The following LRIG1 variants were observed in gnomAD, a reference collection of about 807,000 sequenced individuals.
LRIG1 encodes the protein leucine-rich repeats and immunoglobulin-like domains protein 1.
A neutral mutation model predicts 99.2 loss-of-function variants in LRIG1; 48 were observed. The observed-to-expected ratio is 0.48, with a 90% CI of 0.38 to 0.62. The LOEUF is 0.62. Among genes scored for constraint, LRIG1 ranks in the 20% least tolerant of loss-of-function variants. The probability of loss-of-function intolerance (pLI) is 0.00; values close to 1 mark genes in which losing one functional copy is unlikely to be tolerated. For synonymous variants in LRIG1, 772 were observed against 596.1 expected, an observed-to-expected ratio of 1.29 and a Z score of -4.30; for missense variants, 1,646 against 1,434.4, an observed-to-expected ratio of 1.15 and a Z score of -2.38.
chr3:66,405,351 C>T, intron 8 of LRIG1, 73 bp from the exon 9 acceptor site: 1 of 1,252,126 alleles, frequency 8.0e-7, no homozygotes, highest in Non-Finnish European at 1.2e-6. Context: ...ACCCAGCCTG[C>T]TGCTCGGAAG....
intron 11 of LRIG1, 93 bp downstream of exon 11, chr3:66,398,019 C>A: frequency 1.9e-6 from 2 of 1,052,118 alleles, no homozygotes; most frequent in Non-Finnish European, 1.4e-6. Flanking sequence ...ACCATGTGAA[C>A]TTTTAACAAG....
chr3:66,463,534 T>G lies in LRIG1; in HGVS notation c.219-1025A>C, dbSNP rs890633706. 2.0e-5 allele frequency among the ~76,000 whole-genome samples: 3 copies of G among 152,116 alleles called. No individual in the cohort carries two copies. In the East Asian group the frequency reaches 5.8e-4, roughly 29 times the overall value. ...ACTATTCTGTTAGGGGACCACAATCTCAACCAGAGCAGCTTCATCTTTCAG... is the reference window on the plus strand; with the variant it reads ...ACTATTCTGTTAGGGGACCACAATCGCAACCAGAGCAGCTTCATCTTTCAG... On this transcript the variant is annotated intron_variant, in intron 1 of 18. Transcript: ENST00000273261.
chr3:66,391,505 G>C (rs73100534), intron 12 of LRIG1, among the ~76,000 whole-genome samples: 7,748 of 152,236 alleles, frequency 0.051, 311 homozygotes, highest in Non-Finnish European at 0.078. Flanking sequence ...TGCTAAGTGA[G>C]AAAAGCCAGT....
intron 1 of LRIG1, among the ~76,000 whole-genome samples, chr3:66,468,759 C>T (rs1700532077): frequency 6.6e-6 from 1 of 152,236 alleles, no homozygotes; most frequent in South Asian, 2.1e-4. Flanking sequence ...GGTGATTCGT[C>T]CTTTCAAAAT....
chr3:66,415,311 G>A (rs890227348), intron 4 of LRIG1, among the ~76,000 whole-genome samples: 2 of 152,122 alleles, frequency 1.3e-5, no homozygotes, highest in East Asian at 1.9e-4. Context: ...CCTTGAAGCT[G>A]CTGGGCCACC....
At chr3:66,438,716 G>C (rs1052532128) in intron 3 of LRIG1, among the ~76,000 whole-genome samples, 36 of 152,296 alleles carry the variant, frequency 2.4e-4, no homozygotes, top group African/African-American at 8.7e-4. Context: ...CTGCAGCAGA[G>C]ATACCACTGC....
At chr3:66,416,500 T>C (rs779436915) in intron 4 of LRIG1, among the ~76,000 whole-genome samples, 5 of 152,236 alleles carry the variant, frequency 3.3e-5, no homozygotes, top group Non-Finnish European at 5.9e-5. Context: ...GTAACACTTT[T>C]CCTACCAACA....
Position 66,474,964 on chromosome 3 carries a change from T to C in LRIG1, c.219-12455A>G, listed in dbSNP as rs1700686793. On this transcript the variant is annotated intron_variant, in intron 1 of 18. Transcript: ENST00000273261. ...AAATCTAAGAAACACCATGTGTACTTCTAGGTACTCCACAGCCTCTCTGTG... is the reference window on the plus strand; with the variant it reads ...AAATCTAAGAAACACCATGTGTACTCCTAGGTACTCCACAGCCTCTCTGTG... Among the ~76,000 whole-genome samples the C allele has an allele frequency of 3.3e-5, 5 of 152,302 alleles. No individual in the cohort carries two copies. The South Asian group carries it at 1.0e-3, about 32-fold the overall frequency.
At position 66,416,221 on chromosome 3, in the gene LRIG1, G is replaced by A. The variant is rs73833487; in HGVS notation, c.503+908C>T. On this transcript the variant is annotated intron_variant, in intron 4 of 18. Coordinates refer to ENST00000273261, the MANE Select transcript of LRIG1 (RefSeq NM_015541.3). ...ACACCTTTTGAGGGCCCACACTGGA[G>A]GCTTCACAAAAGCCAAGGCCTCCTG... is the stretch of plus-strand genomic sequence containing the variant. Among the ~76,000 whole-genome samples, 306 of 152,316 alleles carry A rather than the reference G, an allele frequency of 2.0e-3. 1 individual carries two copies. Among genetic ancestry groups the A allele is most frequent in the African/African-American group, 6.9e-3 (287 of 41,568 alleles).
intron 6 of LRIG1, among the ~76,000 whole-genome samples, chr3:66,411,222 C>T (rs530403342): frequency 1.8e-4 from 28 of 152,324 alleles, no homozygotes; most frequent in African/African-American, 4.6e-4. Flanking sequence ...AACAAAAGTC[C>T]GTAACCCGAA....
chr3:66,485,093 G>A (rs1374789074), intron 1 of LRIG1, among the ~76,000 whole-genome samples: 1 of 150,668 alleles, frequency 6.6e-6, no homozygotes, highest in African/African-American at 2.4e-5. Flanking sequence ...GTGAGGCAAA[G>A]GTTGCAGTGA....
intron 3 of LRIG1, among the ~76,000 whole-genome samples, chr3:66,419,257 ACCT>A (rs1179762642): frequency 6.6e-6 from 1 of 151,866 alleles, no homozygotes; most frequent in Non-Finnish European, 1.5e-5. Context: ...TCCTCTCCCC[ACCT>A]CCTCCTCTGT....
At chr3:66,477,619 C>T (rs944984237) in intron 1 of LRIG1, among the ~76,000 whole-genome samples, 2 of 152,168 alleles carry the variant, frequency 1.3e-5, no homozygotes, top group African/African-American at 4.8e-5. Flanking sequence ...AGTTTTTATA[C>T]TTCAGTCATC....
intron 2 of LRIG1, 79 bp downstream of exon 2, chr3:66,462,359 A>G: frequency 1.0e-6 from 1 of 991,556 alleles, no homozygotes; most frequent in Non-Finnish European, 1.6e-6. Context: ...TAGGGGAGTG[A>G]GCGATGCTGC....
chr3:66,412,474 TCC>T (rs982584720), intron 6 of LRIG1, among the ~76,000 whole-genome samples: 6 of 152,106 alleles, frequency 3.9e-5, no homozygotes, highest in South Asian at 2.1e-4. Flanking sequence ...CGCTGAAACT[TCC>T]CCCAAGTGGA....
chr3:66,489,957 C>T (rs1701065418), intron 1 of LRIG1, among the ~76,000 whole-genome samples: 1 of 152,122 alleles, frequency 6.6e-6, no homozygotes, highest in African/African-American at 2.4e-5. Context: ...TCCAGAAAGA[C>T]ATTCTGAGCA....
intron 2 of LRIG1, among the ~76,000 whole-genome samples, chr3:66,462,055 C>A (rs1575709354): frequency 6.6e-6 from 1 of 152,148 alleles, no homozygotes; most frequent in Non-Finnish European, 1.5e-5. Flanking sequence ...ACCAGCCTGG[C>A]CAACACGGCA....
At position 66,407,318 on chromosome 3, in the gene LRIG1, C is replaced by T. The variant is rs755727429; in HGVS notation, c.1079+30G>A. The T allele has an allele frequency of 8.7e-6, 14 of 1,613,516 alleles. No homozygotes were observed. The South Asian group carries it at 1.4e-4, about 16-fold the overall frequency. On this transcript the variant is annotated intron_variant, in intron 8 of 18. Coordinates refer to ENST00000273261, the MANE Select transcript of LRIG1 (RefSeq NM_015541.3). ...TATTCTGCTCTCCCCACTGGGGACC[C>T]CTTTATCCTGTCAGTAGTGGGAGAC...
At chr3:66,484,808 T>C (rs899124007) in intron 1 of LRIG1, among the ~76,000 whole-genome samples, 3 of 152,118 alleles carry the variant, frequency 2.0e-5, no homozygotes, top group African/African-American at 7.2e-5. Context: ...CTCCTCCCTC[T>C]AAAGTCTGCA....
Sources: allele counts gnomAD v4.1 joint callset (sites outside exome capture counted in the v4.1 genomes callset), GRCh38; gene constraint gnomAD v4.1.1; transcripts MANE v1.5; gene names NCBI Gene and HGNC (gene_info 2026-07-23, HGNC 2026-07-21).